Variants in WDR7 observed in about 807,000 individuals in gnomAD.
WDR7 encodes the protein WD repeat domain 7.
In WDR7, 46 loss-of-function variants were observed where a neutral mutation model predicts 169.4. The ratio of observed to expected loss-of-function variants is 0.27; its 90% CI spans 0.21 to 0.35. The LOEUF (loss-of-function observed/expected upper bound fraction) is 0.35, where lower values mean the gene tolerates loss of function less well. Among genes scored for constraint, WDR7 ranks in the 10% least tolerant of loss-of-function variants. WDR7 has a pLI of 1.00. For missense variants in WDR7, 1,534 were observed against 1,859.3 expected (o/e 0.83, Z 3.22); for synonymous variants, 612 against 666.8 (o/e 0.92, Z 1.27).
At chr18:57,006,732 T>G (rs906830447) in intron 26 of WDR7, among the ~76,000 whole-genome samples, 11 of 152,302 alleles carry the variant, frequency 7.2e-5, no homozygotes, top group Admixed American at 4.6e-4. Context: ...ATCCAGCATT[T>G]TTTGCATTGA....
chr18:56,681,776 A>G (rs1298383625), intron 4 of WDR7, among the ~76,000 whole-genome samples: 1 of 152,340 alleles, frequency 6.6e-6, no homozygotes, highest in Non-Finnish European at 1.5e-5. Context: ...TTTTTGGACC[A>G]TATCTTTTTT....
chr18:56,682,922 C>T (rs2144578984), intron 5 of WDR7, 69 bp downstream of exon 5: 4 of 1,442,608 alleles, frequency 2.8e-6, no homozygotes, highest in Middle Eastern at 1.8e-4. Context: ...GAACATTCTA[C>T]AATTTATCAT....
Position 56,939,294 on chromosome 18 carries a change from G to C in WDR7, c.3982-17G>C, listed in dbSNP as rs771197692. On this transcript the variant is annotated splice_polypyrimidine_tract_variant and intron_variant, in intron 24 of 27. Transcript: ENST00000254442. ...AGTATTTGAAATTAATTTTAAATCT[G>C]TTCTTTTCTGTCAAAGGTTATGGAC... 2 of 1,495,170 alleles carry C rather than the reference G, an allele frequency of 1.3e-6. No homozygotes were observed. Among genetic ancestry groups the C allele is most frequent in the Non-Finnish European group, 1.8e-6 (2 of 1,117,424 alleles). 92.6% of individuals were successfully genotyped at this position (1,495,170 alleles called of 1,614,324 possible). A position where few individuals can be genotyped will look rare whatever the true frequency, so the allele number is the denominator to read the frequency against.
intron 16 of WDR7, among the ~76,000 whole-genome samples, chr18:56,766,303 A>T (rs1480772670): frequency 2.0e-5 from 3 of 151,762 alleles, no homozygotes; most frequent in Non-Finnish European, 2.9e-5. Flanking sequence ...ATTTTGAAAA[A>T]TTTTCAATAA....
At chr18:56,672,831 A>G (rs1463790655) in intron 2 of WDR7, among the ~76,000 whole-genome samples, 157 bp downstream of exon 2, 1 of 152,314 alleles carries the variant, frequency 6.6e-6, no homozygotes, top group Non-Finnish European at 1.5e-5. Context: ...TATTTACACT[A>G]TTCATCAGAG....
intron 26 of WDR7, among the ~76,000 whole-genome samples, chr18:57,012,692 G>C (rs2048153033): frequency 6.6e-6 from 1 of 152,164 alleles, no homozygotes; most frequent in African/African-American, 2.4e-5. Flanking sequence ...ATAAGTGTTA[G>C]TGTATAATAT....
At chr18:56,899,346 G>T (rs1382745648) in intron 21 of WDR7, among the ~76,000 whole-genome samples, 1 of 151,830 alleles carries the variant, frequency 6.6e-6, no homozygotes, top group Non-Finnish European at 1.5e-5. Flanking sequence ...TTTTAAATAG[G>T]TATATTTTTC....
chr18:57,018,559 G>T (rs976035231), intron 26 of WDR7, among the ~76,000 whole-genome samples: 23 of 152,294 alleles, frequency 1.5e-4, no homozygotes, highest in South Asian at 8.3e-4. Context: ...GCCCAGTATT[G>T]TCCGATCCTC....
At chr18:56,672,770 A>T in intron 2 of WDR7, 96 bp downstream of exon 2, 3 of 1,215,318 alleles carry the variant, frequency 2.5e-6, no homozygotes, top group Non-Finnish European at 3.2e-6. Flanking sequence ...GGCCCACAGT[A>T]GATTTTCTGA....
intron 21 of WDR7, among the ~76,000 whole-genome samples, chr18:56,913,805 A>G (rs1196558910): frequency 1.1e-5 from 1 of 87,450 alleles, no homozygotes; most frequent in African/African-American, 3.7e-5. Context: ...AAAAAAATAA[A>G]ATAAAAAATC....
At chr18:56,731,925 T>A (rs1478333283) in intron 14 of WDR7, among the ~76,000 whole-genome samples, 1 of 152,230 alleles carries the variant, frequency 6.6e-6, no homozygotes, top group African/African-American at 2.4e-5. Context: ...CACTAGCTAA[T>A]GTCCTAAGGA....
intron 14 of WDR7, among the ~76,000 whole-genome samples, chr18:56,734,882 A>G (rs1394854512): frequency 6.6e-6 from 1 of 152,152 alleles, no homozygotes; most frequent in Non-Finnish European, 1.5e-5. Context: ...TAGTATAACT[A>G]CACATAGAGT....
At chr18:56,840,227 C>T (rs567158507) in intron 20 of WDR7, among the ~76,000 whole-genome samples, 9 of 151,848 alleles carry the variant, frequency 5.9e-5, no homozygotes, top group Non-Finnish European at 1.0e-4. Flanking sequence ...GTGAGCCATC[C>T]GTGACAGTGA....
chr18:56,815,198 G>A (rs1322257658), intron 19 of WDR7, among the ~76,000 whole-genome samples: 2 of 152,118 alleles, frequency 1.3e-5, no homozygotes, highest in Admixed American at 6.5e-5. Flanking sequence ...AGATGATTTG[G>A]TTAGAAAGTT....
chr18:56,779,168 A>T (rs1599036699), intron 17 of WDR7, among the ~76,000 whole-genome samples: 1 of 152,280 alleles, frequency 6.6e-6, no homozygotes, highest in East Asian at 1.9e-4. Context: ...TTTCTTGTGA[A>T]TTTGGATATA....
intron 20 of WDR7, among the ~76,000 whole-genome samples, chr18:56,829,349 G>T (rs750574413): frequency 6.6e-6 from 1 of 152,026 alleles, no homozygotes; most frequent in Non-Finnish European, 1.5e-5. Context: ...TAGCCACCCT[G>T]AGGGTTACTT....
intron 20 of WDR7, among the ~76,000 whole-genome samples, chr18:56,859,326 T>C (rs1027995566): frequency 7.2e-5 from 11 of 152,198 alleles, no homozygotes; most frequent in African/African-American, 2.4e-4. Flanking sequence ...ATTGTTTCTT[T>C]AGGGTAGTAG....
chr18:56,734,809 C>G (rs957551185), intron 14 of WDR7, among the ~76,000 whole-genome samples: 13 of 151,978 alleles, frequency 8.6e-5, no homozygotes, highest in Admixed American at 6.6e-5. Flanking sequence ...TTCTTCAGGA[C>G]AGCAGTTCAG....
At chr18:56,820,154 T>A (rs1263197054) in intron 20 of WDR7, among the ~76,000 whole-genome samples, 1 of 151,700 alleles carries the variant, frequency 6.6e-6, no homozygotes, top group Non-Finnish European at 1.5e-5. Flanking sequence ...AAAAACAACC[T>A]CACCTTAATT....
Sources: allele counts gnomAD v4.1 joint callset (sites outside exome capture counted in the v4.1 genomes callset), GRCh38; gene constraint gnomAD v4.1.1; transcripts MANE v1.5; gene names NCBI Gene and HGNC (gene_info 2026-07-23, HGNC 2026-07-21).